UPRT: variants seen among roughly 807,000 people sequenced by gnomAD.
UPRT encodes the protein uracil phosphoribosyltransferase homolog.
UPRT carries 5 observed loss-of-function variants against 22.6 expected under a neutral mutation model. The observed-to-expected ratio is 0.22, with a 90% CI of 0.12 to 0.47. The LOEUF (loss-of-function observed/expected upper bound fraction) is 0.47, where lower values mean the gene tolerates loss of function less well. Among genes scored for constraint, UPRT ranks in the 20% least tolerant of loss-of-function variants. The pLI is 0.99. For missense variants in UPRT, 181 were observed against 239.9 expected, an observed-to-expected ratio of 0.75 and a Z score of 1.62; for synonymous variants, 77 against 87.7, an observed-to-expected ratio of 0.88 and a Z score of 0.68.
At position 75,292,422 on chromosome X, in the gene UPRT, T is replaced by G. The variant is rs367673197; in HGVS notation, c.387-1050T>G. On this transcript the variant is annotated intron_variant, in intron 1 of 6. Coordinates refer to ENST00000373383, the MANE Select transcript of UPRT (RefSeq NM_145052.4). The stretch of plus-strand genomic sequence containing the variant: ...TGCTGTTGCTAAATTGTGGTTTATA[T>G]TTTAGAGAGCTAATATCTGTAGTAT... 6.3e-5 allele frequency among the ~76,000 whole-genome samples: 7 copies of G among 111,950 alleles called. No individual in the cohort carries two copies. In the East Asian group the frequency reaches 2.0e-3, roughly 31 times the overall value.
At chrX:75,254,113 G>T (rs1167251433) in intron 4 of UPRT, among the ~76,000 whole-genome samples, 1 of 111,525 alleles carries the variant, frequency 9.0e-6, no homozygotes, top group African/African-American at 3.3e-5. Flanking sequence ...TCCACAAGTA[G>T]GGGAAAAAGG....
intron 3 of UPRT, among the ~76,000 whole-genome samples, chrX:75,297,195 C>T (rs1233383199): frequency 1.8e-5 from 2 of 111,785 alleles, no homozygotes; most frequent in Non-Finnish European, 3.8e-5. Flanking sequence ...TGCAGTGATT[C>T]TCTTTGAATT....
chrX:75,187,328 T>C lies in UPRT; in HGVS notation c.-447+19449T>C, dbSNP rs966681376. Among the ~76,000 whole-genome samples, 3 of 111,660 alleles carry C rather than the reference T, an allele frequency of 2.7e-5. No homozygotes were observed. The South Asian group carries it at 1.1e-3, about 42-fold the overall frequency. The stretch of plus-strand genomic sequence containing the variant: ...AAATTCTGGGTTGAAAATTCTTTTC[T>C]TTAAGAATGTTGAATATTGGCCCCC... On this transcript the variant is annotated intron_variant, in intron 4 of 13. Coordinates refer to the UPRT transcript ENST00000652605.
intron 4 of UPRT, among the ~76,000 whole-genome samples, chrX:75,245,272 A>G (rs1446011816): frequency 1.8e-5 from 2 of 109,135 alleles, no homozygotes; most frequent in Admixed American, 2.0e-4. Flanking sequence ...AAAGTAAAAA[A>G]AAAAAAAAAA....
chrX:75,187,728 A>T (rs1364236982), intron 4 of UPRT, among the ~76,000 whole-genome samples: 1 of 111,107 alleles, frequency 9.0e-6, no homozygotes, highest in Non-Finnish European at 1.9e-5. Flanking sequence ...ATTTCTTTTT[A>T]TTCTTTTTTC....
At chrX:75,264,209 G>C (rs1339322925) in intron 4 of UPRT, among the ~76,000 whole-genome samples, 2 of 111,809 alleles carry the variant, frequency 1.8e-5, no homozygotes, top group Non-Finnish European at 3.8e-5. Context: ...GTGGATTTGG[G>C]GTGGAGAGTT....
intron 4 of UPRT, among the ~76,000 whole-genome samples, chrX:75,250,762 A>C (rs1429325219): frequency 9.0e-6 from 1 of 111,707 alleles, no homozygotes; most frequent in East Asian, 2.8e-4. Flanking sequence ...CAACAAAAAA[A>C]GAGAATTTTA....
At chrX:75,258,572 G>T (rs1257318607) in intron 4 of UPRT, among the ~76,000 whole-genome samples, 1 of 111,792 alleles carries the variant, frequency 8.9e-6, no homozygotes, top group African/African-American at 3.2e-5. Context: ...TGCCTCTCTA[G>T]ATTCCTCCTC....
At chrX:75,216,281 GC>G (rs1317381556) in intron 4 of UPRT, among the ~76,000 whole-genome samples, 3 of 112,004 alleles carry the variant, frequency 2.7e-5, no homozygotes, top group African/African-American at 9.7e-5. Flanking sequence ...TATTCAATAA[GC>G]ACAGAAAAAA....
At chrX:75,214,845 C>G (rs913354050) in intron 4 of UPRT, among the ~76,000 whole-genome samples, 4 of 110,998 alleles carry the variant, frequency 3.6e-5, no homozygotes, top group African/African-American at 1.3e-4. Context: ...CCCAGGAGTT[C>G]AAGGCTGCAG....
intron 4 of UPRT, among the ~76,000 whole-genome samples, chrX:75,179,190 C>T (rs2082260687): frequency 9.1e-6 from 1 of 109,772 alleles, no homozygotes; most frequent in Admixed American, 9.6e-5. Flanking sequence ...AAGGCCCCAC[C>T]AGAGCAGCTA....
chrX:75,251,155 T>A (rs1025318495), intron 4 of UPRT, among the ~76,000 whole-genome samples: 1 of 111,102 alleles, frequency 9.0e-6, no homozygotes, highest in Non-Finnish European at 1.9e-5. Context: ...CTGGTACAAG[T>A]CAGGGATGCC....
rs2082752356 is a variant in UPRT at position 75,303,728 on chromosome X, A to G, written c.*217A>G. The G allele has an allele frequency of 3.8e-6, 1 of 264,998 alleles. No homozygotes were observed. Among genetic ancestry groups the G allele is most frequent in the African/African-American group, 2.9e-5 (1 of 34,548 alleles). 21.8% of individuals were successfully genotyped at this position (264,998 alleles called of 1,213,427 possible). ...GTATATGCAACTCTTACAAAACATA[A>G]ATTTTAATAATATTCTAATGCAAAT... On this transcript the variant is annotated 3_prime_UTR_variant, in exon 7 of 7. Coordinates refer to ENST00000373383, the MANE Select transcript of UPRT (RefSeq NM_145052.4).
intron 2 of UPRT, among the ~76,000 whole-genome samples, chrX:75,162,237 C>T (rs2082202348): frequency 9.1e-6 from 1 of 109,875 alleles, no homozygotes; most frequent in Non-Finnish European, 1.9e-5. Context: ...CAGGCGTGAG[C>T]CACCACGCCC....
chrX:75,189,044 C>T lies in UPRT; in HGVS notation c.-447+21165C>T, dbSNP rs374719870. Among the ~76,000 whole-genome samples, 14 of 111,945 alleles carry T rather than the reference C, an allele frequency of 1.3e-4. No homozygotes were observed. In the East Asian group the frequency reaches 2.3e-3, roughly 18 times the overall value. ...ATTCGGCCATCTTGGCTCCTCCCCC[C>T]GCTTCTCTAGTTCTTTTATTTGTGA... On this transcript the variant is annotated intron_variant, in intron 4 of 13. Transcript: ENST00000652605.
intron 4 of UPRT, among the ~76,000 whole-genome samples, chrX:75,187,337 G>C (rs2082296668): frequency 2.7e-5 from 3 of 111,522 alleles, no homozygotes; most frequent in African/African-American, 9.8e-5. Flanking sequence ...CTTTAAGAAT[G>C]TTGAATATTG....
chrX:75,236,416 A>G, intron 4 of UPRT, among the ~76,000 whole-genome samples: 1 of 111,563 alleles, frequency 9.0e-6, no homozygotes, highest in Non-Finnish European at 1.9e-5. Context: ...TCAAGCTACC[A>G]ATGACTTTCT....
At chrX:75,258,219 T>G (rs2082555731) in intron 4 of UPRT, among the ~76,000 whole-genome samples, 1 of 94,855 alleles carries the variant, frequency 1.1e-5, no homozygotes, top group Non-Finnish European at 2.1e-5. Flanking sequence ...TCCTTTTTTC[T>G]TTCTTTTTTT....
At chrX:75,271,046 T>C (rs1004081301), upstream of UPRT, among the ~76,000 whole-genome samples, 7 of 111,716 alleles carry the variant, frequency 6.3e-5, no homozygotes, top group African/African-American at 2.0e-4. Context: ...ACATAACCCA[T>C]GTCATGGACG....
Sources: allele counts gnomAD v4.1 joint callset (sites outside exome capture counted in the v4.1 genomes callset), GRCh38; gene constraint gnomAD v4.1.1; transcripts MANE v1.5; gene names NCBI Gene and HGNC (gene_info 2026-07-23, HGNC 2026-07-21).